Variants in PINX1 observed in about 807,000 individuals in gnomAD.
PINX1 encodes the protein PIN2/TERF1-interacting telomerase inhibitor 1.
A neutral mutation model predicts 25.4 loss-of-function variants in PINX1; 34 were observed. The observed-to-expected ratio is 1.34, with a 90% CI of 1.02 to 1.78. PINX1 has a LOEUF of 1.78. Ranked by LOEUF, PINX1 falls within the 40% of genes most tolerant of loss-of-function variation. The pLI, the probability that PINX1 is intolerant of heterozygous loss-of-function variation, is 0.00. For missense variants in PINX1, 592 were observed against 404.9 expected, an observed-to-expected ratio of 1.46 and a Z score of -3.97; for synonymous variants, 197 against 147.7, an observed-to-expected ratio of 1.33 and a Z score of -2.42.
At chr8:10,805,650 C>T (rs78771333) in intron 6 of PINX1, among the ~76,000 whole-genome samples, 5,888 of 33,882 alleles carry the variant, frequency 0.17, 930 homozygotes, top group African/African-American at 0.37. Flanking sequence ...GCCACACTAG[C>T]GCTGAGTGGG....
chr8:10,787,748 T>C, intron 6 of PINX1: 1 of 453,640 alleles, frequency 2.2e-6, no homozygotes, highest in Admixed American at 2.4e-5. Flanking sequence ...TAAAGCCCAC[T>C]GGGAAGGTGA....
At chr8:10,819,895 C>G (rs1678390941) in intron 6 of PINX1, among the ~76,000 whole-genome samples, 1 of 152,186 alleles carries the variant, frequency 6.6e-6, no homozygotes, top group African/African-American at 2.4e-5. Context: ...ATTTTCCCCT[C>G]TGATTGTATC....
Position 10,781,433 on chromosome 8 carries a change from C to G in PINX1, c.472-15517G>C, listed in dbSNP as rs562152644. Reference sequence around the variant, plus strand: ...GCAACCTACAAATTAGGGAAAAATACTTGTAGACCATGTATCTGATATAAA... The same window carrying G: ...GCAACCTACAAATTAGGGAAAAATAGTTGTAGACCATGTATCTGATATAAA... On this transcript the variant is annotated intron_variant, in intron 6 of 6. Coordinates refer to ENST00000314787, the MANE Select transcript of PINX1 (RefSeq NM_017884.6). Among the ~76,000 whole-genome samples, 48 of 152,252 alleles carry G rather than the reference C, an allele frequency of 3.2e-4. 1 individual carries two copies. In the South Asian group the frequency reaches 6.6e-3, roughly 21 times the overall value.
In PINX1 at chr8:10,831,919, C is replaced by T. The variant is rs1038860650; in HGVS notation, c.223-176G>A. On this transcript the variant is annotated intron_variant, in intron 3 of 6. Coordinates refer to ENST00000314787, the MANE Select transcript of PINX1 (RefSeq NM_017884.6). ...CAAGAAATAATATAAAGTTAAAATG[C>T]TCTTTATCCAGGTCAATATTAAAAA... 6.6e-5 allele frequency among the ~76,000 whole-genome samples: 10 copies of T among 152,286 alleles called. No homozygotes were observed. The South Asian group carries it at 1.9e-3, about 28-fold the overall frequency.
chr8:10,812,373 G>A (rs375651190), intron 6 of PINX1, among the ~76,000 whole-genome samples: 2 of 152,188 alleles, frequency 1.3e-5, no homozygotes, highest in African/African-American at 2.4e-5. Context: ...ATCATTTCAC[G>A]TGTTCTCTTT....
chr8:10,773,575 C>G (rs910052274), intron 6 of PINX1, among the ~76,000 whole-genome samples: 4 of 152,138 alleles, frequency 2.6e-5, no homozygotes, highest in Non-Finnish European at 5.9e-5. Flanking sequence ...CTTGGCTGGA[C>G]TTTAGTAGAG....
chr8:10,813,534 C>A (rs1216944694), intron 6 of PINX1, among the ~76,000 whole-genome samples: 1 of 151,826 alleles, frequency 6.6e-6, no homozygotes, highest in African/African-American at 2.4e-5. Context: ...AATCAGCAAG[C>A]AATGGGGAAA....
intron 6 of PINX1, among the ~76,000 whole-genome samples, chr8:10,805,006 G>A (rs529536457): frequency 6.6e-6 from 1 of 151,658 alleles, no homozygotes; most frequent in Admixed American, 6.6e-5. Flanking sequence ...GAAGACTGGT[G>A]GCACTCAGCT....
chr8:10,765,841 C>G lies in PINX1; in HGVS notation c.547G>C (p.Ala183Pro), dbSNP rs770561033. The G allele has an allele frequency of 3.7e-6, 6 of 1,613,840 alleles. No homozygotes were observed. The South Asian group carries it at 6.6e-5, about 18-fold the overall frequency. The change falls in exon 7 of 7, where the codon GCC becomes CCC. Residue 183 changes from alanine (A) to proline (P), a missense_variant. Coordinates refer to ENST00000314787, the MANE Select transcript of PINX1 (RefSeq NM_017884.6). ...TTCTTCAGTGCTGCCATCCGCTTGG[C>G]AAAGTACTCCTGGATGGTGAAGGCG... ...TSAFTIQEYF[A>P]KRMAALKNKP...
intron 6 of PINX1, among the ~76,000 whole-genome samples, chr8:10,782,910 G>C (rs964546632): frequency 2.0e-5 from 3 of 152,162 alleles, no homozygotes; most frequent in Admixed American, 1.3e-4. Flanking sequence ...TCCTCATTTG[G>C]AAATTGCTAA....
At chr8:10,818,357 T>C (rs181336467) in intron 6 of PINX1, among the ~76,000 whole-genome samples, 8 of 151,896 alleles carry the variant, frequency 5.3e-5, no homozygotes, top group Admixed American at 3.9e-4. Context: ...TACCAAAGAG[T>C]CAAGTAACAC....
chr8:10,794,276 T>C (rs1163678227), intron 6 of PINX1, among the ~76,000 whole-genome samples: 1 of 152,242 alleles, frequency 6.6e-6, no homozygotes, highest in Non-Finnish European at 1.5e-5. Flanking sequence ...AATTTTAAAT[T>C]ACATTTAAAA....
At chr8:10,790,730 C>T (rs1277119254) in intron 6 of PINX1, among the ~76,000 whole-genome samples, 2 of 152,014 alleles carry the variant, frequency 1.3e-5, no homozygotes, top group African/African-American at 2.4e-5. Context: ...TCTGGCCCCT[C>T]CTTGCCCTCT....
chr8:10,781,917 G>A (rs1801599129), intron 6 of PINX1, among the ~76,000 whole-genome samples: 1 of 151,584 alleles, frequency 6.6e-6, no homozygotes, highest in Non-Finnish European at 1.5e-5. Context: ...TAATAGCCAA[G>A]ACATGGAAAC....
At chr8:10,811,251 T>C (rs976868372) in intron 6 of PINX1, among the ~76,000 whole-genome samples, 2 of 152,218 alleles carry the variant, frequency 1.3e-5, no homozygotes, top group African/African-American at 4.8e-5. Context: ...TGGGCTCAAA[T>C]GCAGGCATAT....
intron 6 of PINX1, among the ~76,000 whole-genome samples, chr8:10,788,423 G>C (rs544683739): frequency 3.9e-5 from 6 of 152,172 alleles, no homozygotes; most frequent in African/African-American, 1.4e-4. Context: ...AAATCAGCTG[G>C]GCATGGTGGC....
At chr8:10,798,367 G>A (rs954814695) in intron 6 of PINX1, among the ~76,000 whole-genome samples, 7 of 152,158 alleles carry the variant, frequency 4.6e-5, no homozygotes, top group Non-Finnish European at 1.0e-4. Flanking sequence ...TCCCTCAAAC[G>A]TAATTGGAAA....
intron 6 of PINX1, among the ~76,000 whole-genome samples, chr8:10,811,854 T>G (rs1428667631): frequency 6.6e-6 from 1 of 152,122 alleles, no homozygotes; most frequent in Non-Finnish European, 1.5e-5. Flanking sequence ...TAGACTGTCT[T>G]GGCTACAAGC....
chr8:10,765,790 A>G lies in PINX1; in HGVS notation c.598T>C (p.Ser200Pro). 6.2e-7 allele frequency: 1 copy of G among 1,613,694 alleles called. No individual in the cohort carries two copies. The highest frequency in any genetic ancestry group is 8.5e-7 in the Non-Finnish European group (1 of 1,179,856). ...TCCACCTGCGTCTCAGAAATGTCAG[A>G]CCCTGGAACTGGAACCTGGGGCTTG... is the stretch of plus-strand genomic sequence containing the variant. ...KNKPQVPVPGSDISETQVERK... is the reference protein window; with the variant it reads ...KNKPQVPVPGPDISETQVERK... The change falls in exon 7 of 7, where the codon TCT (serine) becomes CCT (proline). Residue 200 changes from serine to proline, a missense_variant. By Grantham distance (74) the Ser-to-Pro change is moderately conservative. Transcript: ENST00000314787.
Sources: gnomAD v4.1 joint callset for allele counts (sites outside exome capture counted in the v4.1 genomes callset) on GRCh38, gnomAD v4.1.1 for gene constraint, MANE v1.5 for transcripts, NCBI Gene and HGNC (gene_info 2026-07-23, HGNC 2026-07-21) for gene names.